Variants in LGSN observed in about 807,000 individuals in gnomAD.
LGSN encodes the protein lengsin, lens protein with glutamine synthetase domain.
Under a neutral mutation model 19.5 loss-of-function variants are expected in LGSN, and 21 were observed. That is an observed-to-expected ratio of 1.07 (90% CI 0.76 to 1.55). The LOEUF is 1.55. Ranked by LOEUF, LGSN falls within the 40% of genes most tolerant of loss-of-function variation. The pLI is 0.00. For synonymous variants in LGSN, 257 were observed against 215.6 expected, an observed-to-expected ratio of 1.19 and a Z score of -1.68; for missense variants, 673 against 608.5, an observed-to-expected ratio of 1.11 and a Z score of -1.12.
the LGSN span, among the ~76,000 whole-genome samples, chr6:63,443,732 ACTT>A: frequency 1.2e-4 from 18 of 152,154 alleles, no homozygotes; most frequent in Non-Finnish European, 1.8e-4. Context: ...TCTTTGTAGG[ACTT>A]CTTCATTCCT....
the LGSN span, among the ~76,000 whole-genome samples, chr6:63,365,868 T>G: frequency 0.13 from 19,860 of 152,094 alleles, 2,871 homozygotes; most frequent in African/African-American, 0.36. Context: ...TGCAGAAAAG[T>G]CTTTTGACAA....
At chr6:63,456,332 T>A in the LGSN span, among the ~76,000 whole-genome samples, 29 of 134,258 alleles carry the variant, frequency 2.2e-4, 1 homozygote, top group East Asian at 5.8e-3. Context: ...GTTGCAGACC[T>A]CAAACTTGGC....
intron 1 of LGSN, among the ~76,000 whole-genome samples, chr6:63,314,907 A>G (rs993103160): frequency 1.3e-5 from 2 of 152,334 alleles, no homozygotes; most frequent in Non-Finnish European, 2.9e-5. Flanking sequence ...AGCAAAGCTC[A>G]GCTGGAAATG....
chr6:63,297,227 C>G (rs2127389031), intron 1 of LGSN, among the ~76,000 whole-genome samples: 1 of 152,046 alleles, frequency 6.6e-6, no homozygotes, highest in South Asian at 2.1e-4. Flanking sequence ...GTAATCCCAG[C>G]TGTTTGGGAG....
the LGSN span, among the ~76,000 whole-genome samples, chr6:63,517,589 T>C: frequency 6.6e-6 from 1 of 152,092 alleles, no homozygotes; most frequent in African/African-American, 2.4e-5. Context: ...AAATACACTC[T>C]AAAAACTCAA....
At chr6:63,528,799 C>T in the LGSN span, among the ~76,000 whole-genome samples, 1 of 151,442 alleles carries the variant, frequency 6.6e-6, no homozygotes, top group African/African-American at 2.4e-5. Flanking sequence ...TTTGGTGGCA[C>T]CCTCCACAGA....
Position 63,281,023 on chromosome 6 carries a change from A to G in LGSN, c.528T>C (p.Thr176=). ...TTGGGGAAGTCAAAAGAGGCTCACC[A>G]GTCACAGTGAAGGTATCACATATCA... The part of the protein sequence containing the change: ...ARVICDTFTV[T]GEPLLTSPRY... The change falls in exon 4 of 4, where the codon ACT becomes ACC. Residue 176 remains threonine (T), a synonymous_variant. Transcript: ENST00000370657. 1 of 1,614,108 alleles carries G rather than the reference A, an allele frequency of 6.2e-7. No homozygotes were observed. Among genetic ancestry groups the G allele is most frequent in the Non-Finnish European group, 8.5e-7 (1 of 1,179,998 alleles).
the LGSN span, among the ~76,000 whole-genome samples, chr6:63,547,133 C>T: frequency 2.0e-5 from 3 of 151,884 alleles, no homozygotes; most frequent in African/African-American, 7.3e-5. Context: ...AGATTAATCA[C>T]TCTCAAGAGA....
chr6:63,435,916 A>G, the LGSN span, among the ~76,000 whole-genome samples: 3 of 151,420 alleles, frequency 2.0e-5, no homozygotes, highest in African/African-American at 7.3e-5. Flanking sequence ...ATTAAAAAAA[A>G]AAAAAAAAAA....
At chr6:63,540,261 G>C in the LGSN span, among the ~76,000 whole-genome samples, 13,245 of 152,160 alleles carry the variant, frequency 0.087, 620 homozygotes, top group East Asian at 0.16. Context: ...GAGCCCAGAT[G>C]TATATAGAAT....
chr6:63,403,943 T>C, the LGSN span, among the ~76,000 whole-genome samples: 1 of 146,972 alleles, frequency 6.8e-6, no homozygotes, highest in Admixed American at 6.7e-5. Flanking sequence ...CTAGCCTCTC[T>C]CTTTCTCTCT....
chr6:63,511,945 T>C, the LGSN span, among the ~76,000 whole-genome samples: 5 of 152,190 alleles, frequency 3.3e-5, no homozygotes, highest in African/African-American at 1.2e-4. Context: ...AGCAAGCAGA[T>C]GCAGATTGAA....
the LGSN span, among the ~76,000 whole-genome samples, chr6:63,546,380 C>G: frequency 6.6e-6 from 1 of 151,992 alleles, no homozygotes; most frequent in Admixed American, 6.6e-5. Flanking sequence ...GGGGCTGAGG[C>G]TTGGGGAAAA....
rs1170386638 is a variant in LGSN at position 63,315,628 on chromosome 6, G to C, written c.30+4286C>G. On this transcript the variant is annotated intron_variant, in intron 1 of 3. Transcript: ENST00000370657. ...TCTCTCTCTCTCTCTCTGTGTGTGT[G>C]TGTGTGTGTGTGTGTGTGTGTGTGT... Among the ~76,000 whole-genome samples, 446 of 146,902 alleles carry C rather than the reference G, an allele frequency of 3.0e-3. 3 individuals are homozygous for C. The highest frequency in any genetic ancestry group is 0.011 in the African/African-American group (419 of 37,590).
the LGSN span, among the ~76,000 whole-genome samples, chr6:63,564,915 C>G: frequency 6.6e-6 from 1 of 152,254 alleles, no homozygotes; most frequent in Non-Finnish European, 1.5e-5. Context: ...TGGATAGATT[C>G]ATAATAAGTC....
chr6:63,438,312 A>T, the LGSN span, among the ~76,000 whole-genome samples: 1 of 152,170 alleles, frequency 6.6e-6, no homozygotes, highest in South Asian at 2.1e-4. Context: ...TTCATGTCTA[A>T]AACACCAAAA....
chr6:63,280,131 G>T lies in LGSN; in HGVS notation c.1420C>A (p.Gln474Lys), dbSNP rs1304606138. The T allele has an allele frequency of 1.9e-6, 3 of 1,614,044 alleles. No individual in the cohort carries two copies. Among genetic ancestry groups the T allele is most frequent in the Non-Finnish European group, 2.5e-6 (3 of 1,180,034 alleles). The part of the protein sequence containing the change: ...VALEEDQCLR[Q>K]ALGETFIRYF... ...CGAATAAAGGTTTCTCCTAGAGCCT[G>T]TCTCAGGCATTGATCTTCTTCCAGT... Residue 474 changes from glutamine to lysine, a missense_variant, in exon 4 of 4, where the codon CAG becomes AAG. Physicochemically the swap from Gln to Lys is moderately conservative, Grantham distance 53. Transcript: ENST00000370657.
the LGSN span, among the ~76,000 whole-genome samples, chr6:63,551,871 C>T: frequency 1.3e-5 from 2 of 152,150 alleles, no homozygotes; most frequent in African/African-American, 2.4e-5. Flanking sequence ...AGGACATGAA[C>T]TCATCATTTT....
At chr6:63,363,164 A>G in the LGSN span, among the ~76,000 whole-genome samples, 1 of 150,226 alleles carries the variant, frequency 6.7e-6, no homozygotes, top group African/African-American at 2.5e-5. Context: ...TAACAAACAT[A>G]AAGGACATCT....
Sources: gnomAD v4.1 joint callset for allele counts (sites outside exome capture counted in the v4.1 genomes callset) on GRCh38, gnomAD v4.1.1 for gene constraint, MANE v1.5 for transcripts, NCBI Gene and HGNC (gene_info 2026-07-23, HGNC 2026-07-21) for gene names.